Variants in KIFAP3 observed in about 807,000 individuals in gnomAD.
The protein encoded by KIFAP3 is kinesin associated protein 3, also known as kinesin-associated protein 3.
In KIFAP3, 68 loss-of-function variants were observed where a neutral mutation model predicts 106.5. That is an observed-to-expected ratio of 0.64 (90% CI 0.53 to 0.78). The LOEUF is 0.78. Ranked by LOEUF, KIFAP3 falls within the 30% of genes least tolerant of loss-of-function variation. The pLI is 0.00. For missense variants in KIFAP3, 780 were observed against 941.8 expected (o/e 0.83, Z 2.25); for synonymous variants, 320 against 311.5 (o/e 1.03, Z -0.29).
chr1:169,932,954 A>T (rs1178600143), intron 19 of KIFAP3, among the ~76,000 whole-genome samples: 1 of 152,030 alleles, frequency 6.6e-6, no homozygotes, highest in South Asian at 2.1e-4. Flanking sequence ...TAGTCAAATT[A>T]CATTTGGATG....
intron 19 of KIFAP3, among the ~76,000 whole-genome samples, chr1:169,928,276 A>T (rs2474705): frequency 0.94 from 142,127 of 151,984 alleles, 66,541 homozygotes; most frequent in East Asian, 0.99. Flanking sequence ...ATTTTTGTAT[A>T]TTTAGTAGAG....
rs1667478126 is a variant in KIFAP3 at position 169,998,381 on chromosome 1, GA to G, written c.1184-6127del. Among the ~76,000 whole-genome samples, 11 of 136,950 alleles carry G rather than the reference GA, an allele frequency of 8.0e-5. No homozygotes were observed. The East Asian group carries it at 2.4e-3, about 29-fold the overall frequency. The allele number at this position is 136,950 out of a possible 152,430, so 89.8% of individuals were successfully genotyped here. A position where few individuals can be genotyped will look rare whatever the true frequency, so the allele number is the denominator to read the frequency against. The stretch of plus-strand genomic sequence containing the variant: ...TCGGACTACAACTAGTGCTTCACCA[GA>G]TATATATATATATATATACACACAC... On this transcript the variant is annotated intron_variant, in intron 10 of 19. Coordinates refer to ENST00000361580, the MANE Select transcript of KIFAP3 (RefSeq NM_014970.4).
At chr1:169,938,684 T>C (rs1204049584) in intron 19 of KIFAP3, among the ~76,000 whole-genome samples, 1 of 152,044 alleles carries the variant, frequency 6.6e-6, no homozygotes, top group South Asian at 2.1e-4. Context: ...TGTATTCTTG[T>C]GGTAGGAGGG....
At chr1:169,953,909 C>A (rs1664870638) in intron 19 of KIFAP3, 102 bp downstream of exon 19, 2 of 781,522 alleles carry the variant, frequency 2.6e-6, no homozygotes, top group Admixed American at 2.0e-5. Flanking sequence ...GGTTTTTTCC[C>A]CCCTCTTAAT....
intron 1 of KIFAP3, chr1:170,068,254 T>TTGA (rs376716124): frequency 6.6e-6 from 1 of 152,146 alleles, no homozygotes; most frequent in Non-Finnish European, 1.5e-5. Context: ...ACACTGGACT[T>TTGA]ATCAAAGACT....
intron 9 of KIFAP3, among the ~76,000 whole-genome samples, chr1:170,020,652 A>T (rs1315263018): frequency 1.3e-5 from 2 of 152,082 alleles, no homozygotes; most frequent in Non-Finnish European, 2.9e-5. Flanking sequence ...GTTTCACTGT[A>T]TTAGTCACGA....
At chr1:170,019,526 T>A (rs1668697175) in intron 9 of KIFAP3, among the ~76,000 whole-genome samples, 1 of 152,116 alleles carries the variant, frequency 6.6e-6, no homozygotes, top group African/African-American at 2.4e-5. Flanking sequence ...CATTCAAAAG[T>A]CAATCAATGT....
At chr1:170,048,366 C>T (rs1390276617) in intron 2 of KIFAP3, among the ~76,000 whole-genome samples, 3 of 150,236 alleles carry the variant, frequency 2.0e-5, no homozygotes, top group Non-Finnish European at 3.0e-5. Flanking sequence ...ATAGTTTTAG[C>T]TGCACATCAG....
chr1:170,003,154 A>C (rs1409227202), intron 10 of KIFAP3, among the ~76,000 whole-genome samples: 3 of 152,194 alleles, frequency 2.0e-5, no homozygotes, highest in African/African-American at 7.2e-5. Context: ...TTATTATTAC[A>C]TTCAGCAGAC....
intron 10 of KIFAP3, among the ~76,000 whole-genome samples, chr1:170,015,044 A>G (rs946781956): frequency 2.0e-5 from 3 of 152,202 alleles, no homozygotes; most frequent in African/African-American, 7.2e-5. Context: ...CTGGGCTCCA[A>G]AGGAGATAAA....
chr1:170,029,612 CA>C (rs923825815), intron 8 of KIFAP3, among the ~76,000 whole-genome samples: 8 of 151,406 alleles, frequency 5.3e-5, no homozygotes, highest in Admixed American at 5.3e-4. Flanking sequence ...ACAACAACAA[CA>C]AAAAATAAGA....
chr1:170,084,672 G>A (rs975866976), intron 1 of KIFAP3, among the ~76,000 whole-genome samples: 4 of 152,214 alleles, frequency 2.6e-5, no homozygotes, highest in Admixed American at 2.0e-4. Flanking sequence ...GGACACAAAA[G>A]TATGAAATAT....
intron 17 of KIFAP3, among the ~76,000 whole-genome samples, chr1:169,962,961 AATTTTT>A (rs1468330884): frequency 6.6e-6 from 1 of 152,096 alleles, no homozygotes; most frequent in Non-Finnish European, 1.5e-5. Context: ...TTTTCTTTTT[AATTTTT>A]ATTTTAGGTT....
At chr1:170,058,257 AATT>A (rs1267667147) in intron 1 of KIFAP3, among the ~76,000 whole-genome samples, 1 of 152,214 alleles carries the variant, frequency 6.6e-6, no homozygotes. Flanking sequence ...ACTTTTAAAA[AATT>A]ATTCTTTTCA....
At chr1:170,052,054 G>A (rs1418875653) in intron 2 of KIFAP3, among the ~76,000 whole-genome samples, 1 of 151,934 alleles carries the variant, frequency 6.6e-6, no homozygotes, top group East Asian at 1.9e-4. Context: ...ATGAATCTAG[G>A]AGCTGTTTTT....
intron 3 of KIFAP3, among the ~76,000 whole-genome samples, chr1:170,042,755 T>C (rs1464622832): frequency 6.6e-6 from 1 of 152,198 alleles, no homozygotes; most frequent in Non-Finnish European, 1.5e-5. Flanking sequence ...TCTTCTACAT[T>C]GGCTACCTTC....
rs142125633 is a variant in KIFAP3, at chr1:170,062,375, TG to T, written c.33-6940del. Among the ~76,000 whole-genome samples, 1,001 of 151,476 alleles carry T rather than the reference TG, an allele frequency of 6.6e-3. 9 individuals are homozygous for T. The highest frequency in any genetic ancestry group is 0.023 in the African/African-American group (934 of 41,480). On this transcript the variant is annotated intron_variant, in intron 1 of 19. Transcript: ENST00000361580. ...ATTGTTACAAAACTCTTTTTGTGTTTGGTTTTTTCATTTTTTAAAAAAAACA... is the reference window on the plus strand; with the variant it reads ...ATTGTTACAAAACTCTTTTTGTGTTTGTTTTTTCATTTTTTAAAAAAAACA...
intron 19 of KIFAP3, among the ~76,000 whole-genome samples, chr1:169,933,000 G>A (rs962232966): frequency 1.3e-5 from 2 of 151,822 alleles, no homozygotes; most frequent in Non-Finnish European, 2.9e-5. Context: ...AGATGTTTCT[G>A]GAAAGCTAAA....
chr1:169,973,919 T>C (rs544415920), intron 16 of KIFAP3, among the ~76,000 whole-genome samples: 1 of 151,998 alleles, frequency 6.6e-6, no homozygotes, highest in South Asian at 2.1e-4. Context: ...CTGTAAACTT[T>C]AGATAAGCAC....
Sources: gnomAD v4.1 joint callset for allele counts (sites outside exome capture counted in the v4.1 genomes callset) on GRCh38, gnomAD v4.1.1 for gene constraint, MANE v1.5 for transcripts, NCBI Gene and HGNC (gene_info 2026-07-23, HGNC 2026-07-21) for gene names.